The following MMP27 variants were observed in gnomAD, a reference collection of about 807,000 sequenced individuals.
MMP27 encodes the protein matrix metallopeptidase 27.
A neutral mutation model predicts 48.1 loss-of-function variants in MMP27; 51 were observed. The observed-to-expected ratio is 1.06, with a 90% confidence interval of 0.85 to 1.34. MMP27 has a LOEUF of 1.34. MMP27 is among the 40% of genes most tolerant of loss of function. The pLI is 0.00. For missense variants in MMP27, 698 were observed against 619.3 expected (o/e 1.13, Z -1.35); for synonymous variants, 229 against 208.9 (o/e 1.10, Z -0.83).
chr11:102,696,885 A>G, intron 4 of MMP27, 50 bp from the exon 5 acceptor site: 1 of 1,563,362 alleles, frequency 6.4e-7, no homozygotes, highest in Non-Finnish European at 8.6e-7. Flanking sequence ...CAAAAAGAGA[A>G]TGGCTGCATC....
intron 1 of MMP27, 123 bp downstream of exon 1, chr11:102,705,481 TGAAAAGCAG>T: frequency 1.7e-6 from 1 of 571,872 alleles, no homozygotes; most frequent in South Asian, 2.6e-5. Context: ...GATAGACAAA[TGAAAAGCAG>T]TTCCTTCTCA....
In MMP27 at chr11:102,699,437, C is replaced by G. The variant is rs142177784; in HGVS notation, c.620-2602G>C. On this transcript the variant is annotated intron_variant, in intron 4 of 9. Coordinates refer to ENST00000260229, the MANE Select transcript of MMP27 (RefSeq NM_022122.3). ...GAGCCGAGATCGCACCACTGCACTC[C>G]AGCCTGGGTGACAGAGTGAGACCCG... Among the ~76,000 whole-genome samples the G allele has an allele frequency of 1.0e-2, 1,517 of 152,220 alleles. 31 individuals carry two copies. The highest frequency in any genetic ancestry group is 0.034 in the African/African-American group (1,429 of 41,524).
chr11:102,696,546 C>G, intron 5 of MMP27, 55 bp from the exon 6 acceptor site: 1 of 1,603,328 alleles, frequency 6.2e-7, no homozygotes, highest in Non-Finnish European at 8.5e-7. Context: ...AGAAATATGC[C>G]TACACAAGGG....
intron 2 of MMP27, among the ~76,000 whole-genome samples, chr11:102,703,341 C>T (rs548858059): frequency 1.3e-5 from 2 of 152,258 alleles, no homozygotes; most frequent in African/African-American, 4.8e-5. Context: ...AGTATTAACA[C>T]TTCAACAAAG....
rs1471655579 is a variant in MMP27, at chr11:102,696,719, A to G, written c.736T>C (p.Tyr246His). The change falls in exon 5 of 10, where the codon TAC becomes CAC. Residue 246 changes from tyrosine (Y) to histidine (H), a missense_variant. Transcript: ENST00000260229. ...PNYVSLDPRK[Y>H]PLSQDDINGI... ...TTGATATCATCCTGAGAAAGTGGGT[A>G]TTTTCTGGGATCCAGGGAGACATAA... The G allele has an allele frequency of 1.2e-6, 2 of 1,613,700 alleles. No individual in the cohort carries two copies. Among genetic ancestry groups the G allele is most frequent in the Admixed American group, 1.7e-5 (1 of 59,946 alleles).
Position 102,704,710 on chromosome 11 carries a change from C to T in MMP27, c.168G>A (p.Arg56=), listed in dbSNP as rs777916504. 6.2e-7 allele frequency: 1 copy of T among 1,613,800 alleles called. No homozygotes were observed. The highest frequency in any genetic ancestry group is 1.1e-5 in the South Asian group (1 of 91,064). The part of the protein sequence containing the change: ...EGNHLVQSKN[R]SLIDDKIREM... ...CCCGAATTTTGTCATCTATGAGACT[C>T]CTATTCTTGCTTTGAACAAGATGAT... Residue 56 remains arginine, a synonymous_variant, in exon 2 of 10, where the codon AGG becomes AGA. Transcript: ENST00000260229.
chr11:102,693,823 T>G, intron 8 of MMP27, 83 bp downstream of exon 8: 1 of 1,172,638 alleles, frequency 8.5e-7, no homozygotes, highest in East Asian at 2.7e-5. Flanking sequence ...TGGATTCATT[T>G]TAATTTTGTC....
At chr11:102,698,833 C>T (rs1860883121) in intron 4 of MMP27, among the ~76,000 whole-genome samples, 1 of 152,152 alleles carries the variant, frequency 6.6e-6, no homozygotes, top group Non-Finnish European at 1.5e-5. Context: ...CTTCATGTAA[C>T]TTCCCTTATC....
At position 102,705,594 on chromosome 11, in the gene MMP27, TCATTTATTAAGA is replaced by T. The variant is rs768734037; in HGVS notation, c.102+7_102+18del. The T allele has an allele frequency of 7.2e-7, 1 of 1,394,210 alleles. No homozygotes were observed. The highest frequency in any genetic ancestry group is 1.3e-5 in the South Asian group (1 of 74,890). The allele number at this position is 1,394,210 out of a possible 1,614,324, so 86.4% of individuals were successfully genotyped here. ...AGCTTTTTATCAATAGTCATCGATA[TCATTTATTAAGA>T]CAGTACCTGAGCCAGTTGCATATTT... On this transcript the variant is annotated splice_region_variant and intron_variant, in intron 1 of 9. Coordinates refer to ENST00000260229, the MANE Select transcript of MMP27 (RefSeq NM_022122.3).
At chr11:102,702,185 T>C (rs1454333721) in intron 4 of MMP27, among the ~76,000 whole-genome samples, 1 of 152,250 alleles carries the variant, frequency 6.6e-6, no homozygotes, top group Non-Finnish European at 1.5e-5. Flanking sequence ...AAGTCAAATA[T>C]AAGGATTAAG....
intron 9 of MMP27, among the ~76,000 whole-genome samples, chr11:102,692,330 T>C (rs1297792802): frequency 6.6e-6 from 1 of 152,182 alleles, no homozygotes; most frequent in Admixed American, 6.5e-5. Context: ...CCTGTGGATA[T>C]GGCCTTGGTC....
chr11:102,698,843 C>T (rs1419207521), intron 4 of MMP27, among the ~76,000 whole-genome samples: 1 of 152,194 alleles, frequency 6.6e-6, no homozygotes, highest in Non-Finnish European at 1.5e-5. Flanking sequence ...CTTCCCTTAT[C>T]CCTCCAGGTC....
chr11:102,691,672 G>T lies in MMP27; in HGVS notation c.*94C>A. On this transcript the variant is annotated 3_prime_UTR_variant, in exon 10 of 10. Coordinates refer to ENST00000260229, the MANE Select transcript of MMP27 (RefSeq NM_022122.3). Reference sequence around the variant, plus strand: ...ATTGAATTTGGATATTTAGAACTAGGACCAGCAACTTGTTGTTAAAGAATG... The same window carrying T: ...ATTGAATTTGGATATTTAGAACTAGTACCAGCAACTTGTTGTTAAAGAATG... 1.8e-6 allele frequency: 2 copies of T among 1,137,936 alleles called. No individual in the cohort carries two copies. The highest frequency in any genetic ancestry group is 1.2e-6 in the Non-Finnish European group (1 of 823,922). The allele number at this position is 1,137,936 out of a possible 1,614,324, so 70.5% of individuals were successfully genotyped here. A position where few individuals can be genotyped will look rare whatever the true frequency, so the allele number is the denominator to read the frequency against.
At chr11:102,695,594 G>A (rs758947745) in intron 6 of MMP27, among the ~76,000 whole-genome samples, 7 of 152,166 alleles carry the variant, frequency 4.6e-5, no homozygotes, top group Non-Finnish European at 1.0e-4. Flanking sequence ...CCACTCCTCT[G>A]TGACATTCAT....
In MMP27 at chr11:102,702,775, T is replaced by C. The variant is rs1389226922; in HGVS notation, c.597A>G (p.Glu199=). The C allele has an allele frequency of 1.2e-6, 2 of 1,613,440 alleles. No individual in the cohort carries two copies. The highest frequency in any genetic ancestry group is 1.7e-6 in the Non-Finnish European group (2 of 1,179,826). ...LGGDTHFDED[E]NWTKDGAGFN... is the part of the protein sequence containing the mutation. ...CACCTGCTCCATCCTTGGTCCAGTT[T>C]TCATCCTCATCAAAATGAGTGTCAC... Residue 199 remains glutamate, a synonymous_variant, in exon 4 of 10, where the codon GAA becomes GAG. Transcript: ENST00000260229.
intron 4 of MMP27, among the ~76,000 whole-genome samples, chr11:102,699,016 T>C (rs905612591): frequency 1.4e-5 from 2 of 146,214 alleles, no homozygotes; most frequent in Non-Finnish European, 3.0e-5. Context: ...TTAATAATGA[T>C]TAATGGATGT....
Position 102,696,724 on chromosome 11 carries a change from C to T in MMP27, c.731G>A (p.Arg244Lys). 6.2e-7 allele frequency: 1 copy of T among 1,613,812 alleles called. No homozygotes were observed. The highest frequency in any genetic ancestry group is 1.1e-5 in the South Asian group (1 of 91,044). Reference sequence around the variant, plus strand: ...ATCATCCTGAGAAAGTGGGTATTTTCTGGGATCCAGGGAGACATAATTTGG... The same window carrying T: ...ATCATCCTGAGAAAGTGGGTATTTTTTGGGATCCAGGGAGACATAATTTGG... ...MFPNYVSLDP[R>K]KYPLSQDDIN... The change falls in exon 5 of 10, where the codon AGA (arginine) becomes AAA (lysine). Residue 244 changes from arginine (R) to lysine (K), a missense_variant. Transcript: ENST00000260229.
intron 4 of MMP27, among the ~76,000 whole-genome samples, chr11:102,698,068 T>C (rs11225380): frequency 0.14 from 21,811 of 152,178 alleles, 2,000 homozygotes; most frequent in Non-Finnish European, 0.2. Flanking sequence ...CTATTCTTTC[T>C]TTCTTTCTTT....
At chr11:102,693,280 T>C (rs1227727065) in intron 8 of MMP27, among the ~76,000 whole-genome samples, 1 of 152,230 alleles carries the variant, frequency 6.6e-6, no homozygotes, top group Non-Finnish European at 1.5e-5. Context: ...ATTGATGCTA[T>C]TCAGAGAAAT....
Sources: allele counts gnomAD v4.1 joint callset (sites outside exome capture counted in the v4.1 genomes callset), GRCh38; gene constraint gnomAD v4.1.1; transcripts MANE v1.5; gene names NCBI Gene and HGNC (gene_info 2026-07-23, HGNC 2026-07-21).